The following ZNF554 variants were observed in gnomAD, a reference collection of about 807,000 sequenced individuals.
ZNF554 encodes the protein zinc finger protein 554.
Under a neutral mutation model 21.2 loss-of-function variants are expected in ZNF554, and 15 were observed. That is an observed-to-expected ratio of 0.71 (90% CI 0.47 to 1.09). The LOEUF is 1.09. ZNF554 is among the 50% of genes least tolerant of loss of function. The pLI, the probability that ZNF554 is intolerant of heterozygous loss-of-function variation, is 0.00. For missense variants in ZNF554, 691 were observed against 662.7 expected (o/e 1.04, Z -0.47); for synonymous variants, 258 against 251.4 (o/e 1.03, Z -0.25).
At chr19:2,820,865 A>G (rs2087254187) in intron 1 of ZNF554, among the ~76,000 whole-genome samples, 2 of 150,398 alleles carry the variant, frequency 1.3e-5, no homozygotes, top group Non-Finnish European at 3.0e-5. Flanking sequence ...GGGTTTCACC[A>G]TGTTGGCCAG....
In ZNF554 at chr19:2,833,926, G is replaced by A. The variant is rs1206331867; in HGVS notation, c.691G>A (p.Ala231Thr). 1 of 1,613,970 alleles carries A rather than the reference G, an allele frequency of 6.2e-7. No individual in the cohort carries two copies. Among genetic ancestry groups the A allele is most frequent in the Non-Finnish European group, 8.5e-7 (1 of 1,180,044 alleles). Reference protein sequence around the residue: ...GFGENGNLSPALVLSQGSSKG... With the variant: ...GFGENGNLSPTLVLSQGSSKG... The stretch of plus-strand genomic sequence containing the variant: ...TGGGGAAAATGGTAATCTGAGCCCA[G>A]CCCTTGTTTTATCACAGGGAAGCTC... The change falls in exon 5 of 5, where the codon GCC (alanine) becomes ACC (threonine). Residue 231 changes from alanine to threonine, a missense_variant. Coordinates refer to ENST00000317243, the MANE Select transcript of ZNF554 (RefSeq NM_001102651.2).
In ZNF554 at chr19:2,833,886, T is replaced by C; in HGVS notation, c.651T>C (p.Thr217=). ...TGGCCGTTCCTCAGGAGAAGGCTACTGCATGGCATGGATTTGGGGAAAATG... is the reference window on the plus strand; with the variant it reads ...TGGCCGTTCCTCAGGAGAAGGCTACCGCATGGCATGGATTTGGGGAAAATG... ...HVVAVPQEKA[T]AWHGFGENGN... The change falls in exon 5 of 5, where the codon ACT becomes ACC. Residue 217 remains threonine (T), a synonymous_variant. Transcript: ENST00000317243. The C allele has an allele frequency of 1.2e-6, 2 of 1,613,834 alleles. No individual in the cohort carries two copies. Among genetic ancestry groups the C allele is most frequent in the Admixed American group, 3.3e-5 (2 of 60,006 alleles).
In ZNF554 at chr19:2,832,486, C is replaced by T. The variant is rs201436251; in HGVS notation, c.437C>T (p.Ser146Phe). 5 of 1,600,808 alleles carry T rather than the reference C, an allele frequency of 3.1e-6. No individual in the cohort carries two copies. The Admixed American group carries it at 7.1e-5, about 23-fold the overall frequency. The change falls in exon 4 of 5, where the codon TCC becomes TTC. Residue 146 changes from serine (S) to phenylalanine (F), a missense_variant. By Grantham distance (155) the Ser-to-Phe change is radical. Transcript: ENST00000317243. Reference sequence around the variant, plus strand: ...GAGGAAAAAGGAACTCCTCAAGCCTCCTGTTCAGGTGAGAATCAGGCAGAT... The same window carrying T: ...GAGGAAAAAGGAACTCCTCAAGCCTTCTGTTCAGGTGAGAATCAGGCAGAT... ...WIEEKGTPQA[S>F]CSDWMTVLRN... is the part of the protein sequence containing the mutation.
chr19:2,829,254 G>A (rs1419138940), intron 3 of ZNF554, among the ~76,000 whole-genome samples: 1 of 152,184 alleles, frequency 6.6e-6, no homozygotes, highest in Non-Finnish European at 1.5e-5. Flanking sequence ...AGCTACTTGG[G>A]AGGTCGAGGC....
intron 1 of ZNF554, among the ~76,000 whole-genome samples, chr19:2,820,683 C>CTTTTTTTTTTTTTTTT (rs1568330714): frequency 8.6e-5 from 7 of 81,832 alleles, no homozygotes; most frequent in African/African-American, 3.6e-4. Flanking sequence ...CAGCAAGGGT[C>CTTTTTTTTTTTTTTTT]CTTTTTTTTT....
rs1295598529 is a variant in ZNF554, at chr19:2,820,124, C to G, written c.53C>G (p.Pro18Arg). ...CGCGCGCGGCTCCCGGCAGCTCAGC[C>G]GTAAGTGCCGCCGCCTCCCGCGCCG... ...GRRARLPAAQPSACPGTCFSQ... is the reference protein window; with the variant it reads ...GRRARLPAAQRSACPGTCFSQ... The change falls in exon 1 of 5, where the codon CCC becomes CGC. Residue 18 changes from proline to arginine, a missense_variant and splice_region_variant. Coordinates refer to ENST00000317243, the MANE Select transcript of ZNF554 (RefSeq NM_001102651.2). 4.1e-6 allele frequency: 5 copies of G among 1,221,156 alleles called. No individual in the cohort carries two copies. The South Asian group carries it at 1.2e-4, about 29-fold the overall frequency. 75.6% of individuals were successfully genotyped at this position (1,221,156 alleles called of 1,614,324 possible).
chr19:2,824,674 A>G (rs565278265), intron 2 of ZNF554, among the ~76,000 whole-genome samples: 1 of 152,254 alleles, frequency 6.6e-6, no homozygotes, highest in African/African-American at 2.4e-5. Flanking sequence ...CATGAAATAC[A>G]TATGAACTTT....
At position 2,821,105 on chromosome 19, in the gene ZNF554, T is replaced by G. The variant is rs11669817; in HGVS notation, c.53+981T>G. The stretch of plus-strand genomic sequence containing the variant: ...GTTTCTTTTTCTTCTTCTTTTTTTT[T>G]TCTTGAGACAGTCTCGCCCTATTGC... On this transcript the variant is annotated intron_variant, in intron 1 of 4. Coordinates refer to ENST00000317243, the MANE Select transcript of ZNF554 (RefSeq NM_001102651.2). This position sits in a 1 kb window ranked among gnomAD's most constrained non-coding sequence, Gnocchi z 8.2. 6.6e-6 allele frequency among the ~76,000 whole-genome samples: 1 copy of G among 151,472 alleles called. No homozygotes were observed. The highest frequency in any genetic ancestry group is 1.9e-4 in the East Asian group (1 of 5,154).
In ZNF554 at chr19:2,834,153, C is replaced by T. The variant is rs537157665; in HGVS notation, c.918C>T (p.Asn306=). The T allele has an allele frequency of 5.0e-6, 8 of 1,613,990 alleles. No individual in the cohort carries two copies. The highest frequency in any genetic ancestry group is 4.4e-5 in the South Asian group (4 of 91,088). Reference sequence around the variant, plus strand: ...ATTTGGAAAATGGGCAGTCATTGAACCACGGTATGGCCCTGACTATCCACA... The same window carrying T: ...ATTTGGAAAATGGGCAGTCATTGAATCACGGTATGGCCCTGACTATCCACA... ...FVYLENGQSL[N]HGMALTIHNK... is the part of the protein sequence containing the mutation. Residue 306 remains asparagine (N), a synonymous_variant, in exon 5 of 5, where the codon AAC becomes AAT. Coordinates refer to ENST00000317243, the MANE Select transcript of ZNF554 (RefSeq NM_001102651.2).
Position 2,820,045 on chromosome 19 carries a change from C to G in ZNF554, c.-27C>G. The G allele has an allele frequency of 8.3e-7, 1 of 1,203,974 alleles. No homozygotes were observed. The highest frequency in any genetic ancestry group is 1.0e-6 in the Non-Finnish European group (1 of 969,814). The allele number at this position is 1,203,974 out of a possible 1,614,324, so 74.6% of individuals were successfully genotyped here. On this transcript the variant is annotated 5_prime_UTR_variant, in exon 1 of 5. Coordinates refer to ENST00000317243, the MANE Select transcript of ZNF554 (RefSeq NM_001102651.2). ...ACGGGGCGCTCCCGCCTCGGGGGCC[C>G]TGTCTGGCGCCTCAGCGCGCGCCCC...
chr19:2,828,753 T>TA (rs1287036181), intron 3 of ZNF554, among the ~76,000 whole-genome samples: 1 of 151,318 alleles, frequency 6.6e-6, no homozygotes, highest in South Asian at 2.1e-4. Flanking sequence ...TCAGGACACT[T>TA]ACAATCACGG....
At chr19:2,827,807 T>G in intron 3 of ZNF554, 64 bp downstream of exon 3, 1 of 1,586,048 alleles carries the variant, frequency 6.3e-7, no homozygotes, top group Non-Finnish European at 8.6e-7. Flanking sequence ...ATTAGTCTGT[T>G]CTCACACTGC....
In ZNF554 at chr19:2,820,047, G is replaced by C; in HGVS notation, c.-25G>C. The stretch of plus-strand genomic sequence containing the variant: ...GGGGCGCTCCCGCCTCGGGGGCCCT[G>C]TCTGGCGCCTCAGCGCGCGCCCCGA... On this transcript the variant is annotated 5_prime_UTR_variant, in exon 1 of 5. Coordinates refer to ENST00000317243, the MANE Select transcript of ZNF554 (RefSeq NM_001102651.2). The C allele has an allele frequency of 8.3e-7, 1 of 1,204,714 alleles. No individual in the cohort carries two copies. The highest frequency in any genetic ancestry group is 1.0e-6 in the Non-Finnish European group (1 of 970,288). 74.6% of individuals were successfully genotyped at this position (1,204,714 alleles called of 1,614,324 possible).
At position 2,832,364 on chromosome 19, in the gene ZNF554, A is replaced by G; in HGVS notation, c.315A>G (p.Gln105=). The part of the protein sequence containing the change: ...GIKEGPLSPA[Q]TSQVTSLSSW... ...AAGAGGGTCCACTTTCCCCAGCACA[A>G]ACCTCACAAGTCACTAGTCTTTCCT... The change falls in exon 4 of 5, where the codon CAA becomes CAG. Residue 105 remains glutamine (Q), a synonymous_variant. Coordinates refer to ENST00000317243, the MANE Select transcript of ZNF554 (RefSeq NM_001102651.2). 3 of 1,614,020 alleles carry G rather than the reference A, an allele frequency of 1.9e-6. No individual in the cohort carries two copies. The highest frequency in any genetic ancestry group is 2.5e-6 in the Non-Finnish European group (3 of 1,179,954).
rs772064494 is a variant in ZNF554, at chr19:2,832,422, G to A, written c.373G>A (p.Ala125Thr). 2.5e-6 allele frequency: 4 copies of A among 1,614,122 alleles called. No homozygotes were observed. Among genetic ancestry groups the A allele is most frequent in the African/African-American group, 2.7e-5 (2 of 75,014 alleles). Residue 125 changes from alanine to threonine, a missense_variant, in exon 4 of 5, where the codon GCT (alanine) becomes ACT (threonine). Coordinates refer to ENST00000317243, the MANE Select transcript of ZNF554 (RefSeq NM_001102651.2). The part of the protein sequence containing the change: ...WTGYLLFQPV[A>T]SSHLEQREAL... ...GGGGTATTTACTTTTTCAACCAGTG[G>A]CTTCTTCCCACTTGGAGCAAAGAGA...
In ZNF554 at chr19:2,832,353, TC is replaced by T. The variant is rs1568335822; in HGVS notation, c.308del (p.Pro103GlnfsTer35). 1 of 1,613,004 alleles carries T rather than the reference TC, an allele frequency of 6.2e-7. No homozygotes were observed. Among genetic ancestry groups the T allele is most frequent in the Non-Finnish European group, 8.5e-7 (1 of 1,179,654 alleles). On this transcript the variant is annotated frameshift_variant, in exon 4 of 5. Transcript: ENST00000317243. LOFTEE classifies it high-confidence loss of function. ...TDVGIKEGPL[S>X]PAQTSQVTSL... ...TGTGGGGATTAAAGAGGGTCCACTT[TC>T]CCCAGCACAAACCTCACAAGTCACT... is the stretch of plus-strand genomic sequence containing the variant.
rs2087452760 is a variant in ZNF554 at position 2,833,799 on chromosome 19, G to A, written c.564G>A (p.Gln188=). ...TCAGAGAAGATGGGGGATGGAAGCAGTTAGAGGACAGCCATGAAGACCCCC... is the reference window on the plus strand; with the variant it reads ...TCAGAGAAGATGGGGGATGGAAGCAATTAGAGGACAGCCATGAAGACCCCC... ...KLIREDGGWK[Q]LEDSHEDPQG... Residue 188 remains glutamine (Q), a synonymous_variant, in exon 5 of 5, where the codon CAG becomes CAA. Transcript: ENST00000317243. 1.9e-6 allele frequency: 3 copies of A among 1,611,984 alleles called. No individual in the cohort carries two copies. The highest frequency in any genetic ancestry group is 2.5e-6 in the Non-Finnish European group (3 of 1,179,130).
chr19:2,822,758 C>T (rs1382047984), intron 1 of ZNF554, among the ~76,000 whole-genome samples: 2 of 152,170 alleles, frequency 1.3e-5, no homozygotes, highest in African/African-American at 2.4e-5. Flanking sequence ...CCTGTAGTTC[C>T]AGCCACAGGC....
intron 2 of ZNF554, chr19:2,826,326 C>G (rs1045976902): frequency 2.0e-5 from 3 of 151,518 alleles, no homozygotes; most frequent in African/African-American, 7.3e-5. Flanking sequence ...GCCTCAGCCT[C>G]CTGAGTAGCT....
Sources: gnomAD v4.1 joint callset for allele counts (sites outside exome capture counted in the v4.1 genomes callset) on GRCh38, gnomAD v4.1.1 for gene constraint, Gnocchi (gnomAD v3.1) non-coding constraint, MANE v1.5 for transcripts, NCBI Gene and HGNC (gene_info 2026-07-23, HGNC 2026-07-21) for gene names.